Variants in FRY observed in about 807,000 individuals in gnomAD.
The protein encoded by FRY is FRY microtubule binding protein, also known as protein furry homolog.
Under a neutral mutation model 348.4 loss-of-function variants are expected in FRY, and 128 were observed. The ratio of observed to expected loss-of-function variants is 0.37; its 90% CI spans 0.32 to 0.43. The LOEUF is 0.43. Among genes scored for constraint, FRY ranks in the 20% least tolerant of loss-of-function variants. The pLI, the probability that FRY is intolerant of heterozygous loss-of-function variation, is 1.00. For missense variants in FRY, 2,736 were observed against 3,695.2 expected (o/e 0.74, Z 6.73); for synonymous variants, 1,370 against 1,374.7 (o/e 1.00, Z 0.08).
intron 55 of FRY, among the ~76,000 whole-genome samples, chr13:32,268,502 AAAAATATATATATAT>A (rs1204872183): frequency 1.2e-4 from 2 of 16,980 alleles, no homozygotes; most frequent in African/African-American, 3.2e-4. Context: ...AAAAAAAAAA[AAAAATATATATATAT>A]ATATATATAT....
At chr13:32,273,510 C>T (rs1888325409) in intron 55 of FRY, among the ~76,000 whole-genome samples, 1 of 152,210 alleles carries the variant, frequency 6.6e-6, no homozygotes, top group Non-Finnish European at 1.5e-5. Context: ...GCGTGAGCCA[C>T]CGCGCCCGGC....
rs528043429 is a variant in FRY, at chr13:32,224,383, C to T, written c.4914C>T (p.His1638=). 49 of 1,613,746 alleles carry T rather than the reference C, an allele frequency of 3.0e-5. 1 individual carries two copies. The Middle Eastern group carries it at 1.3e-3, about 44-fold the overall frequency. Reference sequence around the variant, plus strand: ...CCATCACTCCCCGGGGGCCACTCCACAGGTGAGCAGCATGTGTGGGGAGAA... The same window carrying T: ...CCATCACTCCCCGGGGGCCACTCCATAGGTGAGCAGCATGTGTGGGGAGAA... ...PETITPRGPL[H]RCNIAVIFMT... The change falls in exon 37 of 61, where the codon CAC becomes CAT. Residue 1638 remains histidine, a splice_region_variant and synonymous_variant. Coordinates refer to ENST00000542859, the MANE Select transcript of FRY (RefSeq NM_023037.3).
intron 58 of FRY, among the ~76,000 whole-genome samples, chr13:32,286,842 A>G (rs950086189): frequency 1.1e-4 from 16 of 145,988 alleles, no homozygotes; most frequent in Non-Finnish European, 1.9e-4. Context: ...TAGACTAACT[A>G]TTAGTTGTAG....
chr13:32,102,415 C>A (rs1046744461), intron 3 of FRY, among the ~76,000 whole-genome samples: 1 of 152,180 alleles, frequency 6.6e-6, no homozygotes, highest in Non-Finnish European at 1.5e-5. Context: ...TTTCATGCAA[C>A]ATTTTTTTGA....
At chr13:32,121,467 G>A (rs1878648239) in intron 4 of FRY, among the ~76,000 whole-genome samples, 1 of 151,862 alleles carries the variant, frequency 6.6e-6, no homozygotes, top group Non-Finnish European at 1.5e-5. Context: ...TTGTTTTTAT[G>A]GCCGTTCTTG....
chr13:32,171,246 A>C lies in FRY; in HGVS notation c.2127A>C (p.Gln709His). The C allele has an allele frequency of 6.2e-7, 1 of 1,613,264 alleles. No homozygotes were observed. The highest frequency in any genetic ancestry group is 1.3e-5 in the African/African-American group (1 of 74,918). ...VIQTQGKVYE[Q>H]ANKIRNSELI... ...AGACACAAGGAAAAGTCTATGAACA[A>C]GCCAACAAAATCAGAAATTCAGAGG... The change falls in exon 18 of 61, where the codon CAA (glutamine) becomes CAC (histidine). Residue 709 changes from glutamine (Q) to histidine (H), a missense_variant. By Grantham distance (24) the Gln-to-His change is conservative. Around this residue, in one of 9 missense-constraint regions of FRY, gnomAD observed 449 missense variants for 576.9 expected, o/e 0.78. Coordinates refer to ENST00000542859, the MANE Select transcript of FRY (RefSeq NM_023037.3).
At chr13:32,276,987 GC>G (rs1888566868) in intron 57 of FRY, among the ~76,000 whole-genome samples, 1 of 152,118 alleles carries the variant, frequency 6.6e-6, no homozygotes, top group South Asian at 2.1e-4. Context: ...GCTTCTCTTG[GC>G]CTCAGCTCTT....
intron 35 of FRY, among the ~76,000 whole-genome samples, chr13:32,215,219 AG>A (rs1379966326): frequency 6.6e-6 from 1 of 152,230 alleles, no homozygotes; most frequent in Non-Finnish European, 1.5e-5. Flanking sequence ...TTTAAAAAAA[AG>A]CTATTCAAGT....
intron 41 of FRY, among the ~76,000 whole-genome samples, chr13:32,234,002 G>A (rs1593778830): frequency 6.6e-6 from 1 of 151,874 alleles, no homozygotes; most frequent in Middle Eastern, 3.4e-3. Flanking sequence ...ATTTTAAAAT[G>A]AGGTGGGTGC....
intron 23 of FRY, among the ~76,000 whole-genome samples, chr13:32,181,916 A>C (rs11147483): frequency 0.053 from 8,130 of 152,268 alleles, 390 homozygotes; most frequent in East Asian, 0.29. Flanking sequence ...AATATTTGTT[A>C]AATGGTAGCT....
chr13:32,149,635 C>T, intron 13 of FRY, 113 bp from the exon 14 acceptor site: 1 of 710,166 alleles, frequency 1.4e-6, no homozygotes, highest in East Asian at 2.7e-5. Context: ...CTGAGCAGTG[C>T]CCCTCCTCTT....
chr13:32,138,671 G>A (rs1343870073), intron 11 of FRY, among the ~76,000 whole-genome samples: 1 of 152,194 alleles, frequency 6.6e-6, no homozygotes, highest in African/African-American at 2.4e-5. Flanking sequence ...TAGAGTGAAT[G>A]CTATAGAGAC....
intron 58 of FRY, among the ~76,000 whole-genome samples, chr13:32,284,927 G>A (rs566948114): frequency 1.4e-4 from 21 of 152,232 alleles, no homozygotes; most frequent in African/African-American, 4.1e-4. Context: ...TGCTACTGTC[G>A]ATCAGCAGGA....
chr13:32,248,126 T>C (rs1886896266), intron 48 of FRY, among the ~76,000 whole-genome samples: 1 of 152,190 alleles, frequency 6.6e-6, no homozygotes, highest in African/African-American at 2.4e-5. Flanking sequence ...AACTTTGCTT[T>C]CACATCTCTT....
intron 1 of FRY, among the ~76,000 whole-genome samples, chr13:32,070,952 C>A (rs1874617813): frequency 6.6e-6 from 1 of 152,178 alleles, no homozygotes; most frequent in Non-Finnish European, 1.5e-5. Context: ...TTCCCAGCAC[C>A]ATTTATTAAA....
chr13:32,291,827 G>A (rs1889382288), intron 59 of FRY, among the ~76,000 whole-genome samples: 1 of 152,154 alleles, frequency 6.6e-6, no homozygotes, highest in South Asian at 2.1e-4. Flanking sequence ...ACTTAAGTAG[G>A]GGAAGTAACT....
intron 1 of FRY, among the ~76,000 whole-genome samples, chr13:32,042,621 T>A (rs1872802666): frequency 1.3e-5 from 2 of 152,208 alleles, no homozygotes; most frequent in Non-Finnish European, 2.9e-5. Flanking sequence ...GATCACAGGA[T>A]GGCCACCTCA....
chr13:32,177,326 C>T (rs1057184818), intron 20 of FRY, among the ~76,000 whole-genome samples: 3 of 152,056 alleles, frequency 2.0e-5, no homozygotes, highest in Non-Finnish European at 4.4e-5. Flanking sequence ...TGGTGGTTCA[C>T]GACTATAATC....
chr13:32,135,138 G>C lies in FRY; in HGVS notation c.1032G>C (p.Leu344=), dbSNP rs1442752409. The change falls in exon 10 of 61, where the codon CTG becomes CTC. Residue 344 remains leucine, a synonymous_variant. Coordinates refer to ENST00000542859, the MANE Select transcript of FRY (RefSeq NM_023037.3). ...VPCLRNFVES[L]YDTTLELSSR... is the part of the protein sequence containing the mutation. ...GCCTTAGAAATTTTGTGGAAAGCCT[G>C]TATGACACCACGCTGGAACTTTCTT... 6 of 1,613,142 alleles carry C rather than the reference G, an allele frequency of 3.7e-6. No homozygotes were observed. Among genetic ancestry groups the C allele is most frequent in the Non-Finnish European group, 5.1e-6 (6 of 1,179,148 alleles).
Sources: gnomAD v4.1 joint callset for allele counts (sites outside exome capture counted in the v4.1 genomes callset) on GRCh38, gnomAD v4.1.1 for gene constraint, gnomAD v4.1.1 regional missense constraint, MANE v1.5 for transcripts, NCBI Gene and HGNC (gene_info 2026-07-23, HGNC 2026-07-21) for gene names.